The following FRMD5 variants were observed in gnomAD, a reference collection of about 807,000 sequenced individuals.
FRMD5 encodes FERM domain containing 5.
FRMD5 carries 20 observed loss-of-function variants against 69.0 expected under a neutral mutation model. The observed-to-expected ratio is 0.29, with a 90% CI of 0.20 to 0.42. The LOEUF (loss-of-function observed/expected upper bound fraction) is 0.42, where lower values mean the gene tolerates loss of function less well. FRMD5 is among the 10% of genes least tolerant of loss of function. The pLI, the probability that FRMD5 is intolerant of heterozygous loss-of-function variation, is 1.00. For synonymous variants in FRMD5, 271 were observed against 260.1 expected (o/e 1.04, Z -0.40); for missense variants, 595 against 708.6 (o/e 0.84, Z 1.82).
chr15:43,968,188 T>C (rs1454712158), intron 1 of FRMD5, among the ~76,000 whole-genome samples: 1 of 152,192 alleles, frequency 6.6e-6, no homozygotes, highest in African/African-American at 2.4e-5. Context: ...ACTAATCTTA[T>C]CTTTATCTCA....
intron 1 of FRMD5, among the ~76,000 whole-genome samples, chr15:43,946,529 C>T (rs1172819013): frequency 6.6e-6 from 1 of 152,190 alleles, no homozygotes; most frequent in Non-Finnish European, 1.5e-5. Flanking sequence ...CACTACAACA[C>T]ACAGCCTCTG....
intron 1 of FRMD5, among the ~76,000 whole-genome samples, chr15:44,027,094 A>C (rs528133968): frequency 6.0e-4 from 92 of 152,356 alleles, no homozygotes; most frequent in African/African-American, 2.0e-3. Context: ...GGTTGTTCAC[A>C]AACTGTGGAC....
chr15:43,918,377 T>A (rs536645385), intron 4 of FRMD5, among the ~76,000 whole-genome samples: 21 of 152,300 alleles, frequency 1.4e-4, no homozygotes, highest in African/African-American at 5.1e-4. Flanking sequence ...TGAGCTGAGA[T>A]CGCGCCACTG....
intron 4 of FRMD5, among the ~76,000 whole-genome samples, chr15:43,913,086 C>A (rs1363948528): frequency 6.6e-6 from 1 of 151,848 alleles, no homozygotes. Flanking sequence ...CTGATTTGCT[C>A]CCCTTCTCCT....
chr15:44,129,255 A>C (rs942792119), intron 1 of FRMD5, among the ~76,000 whole-genome samples: 1 of 152,254 alleles, frequency 6.6e-6, no homozygotes, highest in Non-Finnish European at 1.5e-5. Context: ...CTAGTAAAAA[A>C]TAATTTTGTC....
At chr15:44,107,598 G>A (rs2076738569) in intron 1 of FRMD5, among the ~76,000 whole-genome samples, 1 of 152,030 alleles carries the variant, frequency 6.6e-6, no homozygotes, top group African/African-American at 2.4e-5. Flanking sequence ...TTAGAGGGGG[G>A]AAAGCAACAG....
At chr15:44,130,650 T>A in intron 1 of FRMD5, among the ~76,000 whole-genome samples, 1 of 152,136 alleles carries the variant, frequency 6.6e-6, no homozygotes, top group East Asian at 1.9e-4. Context: ...TCTTCCAAAC[T>A]TGAATAGTTA....
intron 1 of FRMD5, among the ~76,000 whole-genome samples, chr15:44,067,997 C>T (rs539540243): frequency 6.6e-6 from 1 of 152,258 alleles, no homozygotes; most frequent in South Asian, 2.1e-4. Flanking sequence ...CATCATTTAT[C>T]ATTAAAGAAA....
At chr15:44,006,503 A>G (rs1312682580) in intron 1 of FRMD5, among the ~76,000 whole-genome samples, 1 of 152,234 alleles carries the variant, frequency 6.6e-6, no homozygotes, top group African/African-American at 2.4e-5. Flanking sequence ...ATAAGACTAT[A>G]GCTGCATGAA....
intron 1 of FRMD5, among the ~76,000 whole-genome samples, chr15:43,978,676 C>G (rs1406571153): frequency 2.0e-5 from 3 of 152,100 alleles, no homozygotes. Context: ...CTCAGCCTCC[C>G]AAGTAGCTGG....
At chr15:44,108,688 A>C (rs934910122) in intron 1 of FRMD5, among the ~76,000 whole-genome samples, 2 of 151,916 alleles carry the variant, frequency 1.3e-5, no homozygotes, top group Non-Finnish European at 2.9e-5. Flanking sequence ...ACCTCTGGGC[A>C]CAGTGGCTCA....
Position 43,888,285 on chromosome 15 carries a change from T to C in FRMD5, c.793-19A>G, listed in dbSNP as rs765806777. 1 of 1,548,268 alleles carries C rather than the reference T, an allele frequency of 6.5e-7. No individual in the cohort carries two copies. The highest frequency in any genetic ancestry group is 1.1e-5 in the South Asian group (1 of 89,668). ...TCTTTTCCTGCAAAAAATTCCACAT[T>C]GATATGGCTGAGTGTGGATGGAGAA... On this transcript the variant is annotated intron_variant, in intron 9 of 13. Coordinates refer to ENST00000417257, the MANE Select transcript of FRMD5 (RefSeq NM_032892.5).
chr15:43,874,030 G>A lies in FRMD5; in HGVS notation c.1568C>T (p.Thr523Ile), dbSNP rs755366999. 2 of 1,614,252 alleles carry A rather than the reference G, an allele frequency of 1.2e-6. No individual in the cohort carries two copies. The highest frequency in any genetic ancestry group is 4.5e-5 in the East Asian group (2 of 44,890). ...FVLLLLLIIL[T>I]ESDLDIAFFR... ...AAAGGCAATGTCAAGGTCAGACTCG[G>A]TAAGGATGATCAGGAGGAGGAGCAA... Residue 523 changes from threonine to isoleucine, a missense_variant, in exon 14 of 14, where the codon ACC becomes ATC. Thr to Ile is a moderately conservative substitution (Grantham distance 89). This residue lies in a region of FRMD5 where 245 missense variants were observed against 227.1 expected (regional missense o/e 1.08). Coordinates refer to ENST00000417257, the MANE Select transcript of FRMD5 (RefSeq NM_032892.5).
intron 1 of FRMD5, among the ~76,000 whole-genome samples, chr15:44,177,287 C>T (rs549841190): frequency 6.6e-6 from 1 of 152,090 alleles, no homozygotes; most frequent in African/African-American, 2.4e-5. Context: ...ATGTTCATAG[C>T]ATTATCCATA....
Position 43,984,339 on chromosome 15 carries a change from A to G in FRMD5, c.103-60030T>C, listed in dbSNP as rs116924721. Among the ~76,000 whole-genome samples, 470 of 152,212 alleles carry G rather than the reference A, an allele frequency of 3.1e-3. 11 individuals carry two copies. In the East Asian group the frequency reaches 0.052, roughly 17 times the overall value. ...CGCATCCCCATCTTCTCCTCTATACACTGCCTCCGGAAACAAGCACTGTGT... is the reference window on the plus strand; with the variant it reads ...CGCATCCCCATCTTCTCCTCTATACGCTGCCTCCGGAAACAAGCACTGTGT... On this transcript the variant is annotated intron_variant, in intron 1 of 13. Coordinates refer to ENST00000417257, the MANE Select transcript of FRMD5 (RefSeq NM_032892.5).
intron 1 of FRMD5, among the ~76,000 whole-genome samples, chr15:44,141,493 G>C (rs2077273411): frequency 6.6e-6 from 1 of 152,072 alleles, no homozygotes; most frequent in Non-Finnish European, 1.5e-5. Context: ...AAAGGAGCTA[G>C]GATTAGCTAT....
intron 1 of FRMD5, among the ~76,000 whole-genome samples, chr15:44,143,320 T>C (rs1345028289): frequency 6.6e-6 from 1 of 151,942 alleles, no homozygotes; most frequent in East Asian, 1.9e-4. Flanking sequence ...CCTGGTGAAT[T>C]CACACATGAG....
At chr15:43,985,510 ATTATAAATCAAACT>A (rs1889352979) in intron 1 of FRMD5, among the ~76,000 whole-genome samples, 1 of 152,112 alleles carries the variant, frequency 6.6e-6, no homozygotes, top group African/African-American at 2.4e-5. Context: ...CATGGTTTAT[ATTATAAATCAAACT>A]TGGCTATAAT....
chr15:44,140,514 TA>T (rs1354177644), intron 1 of FRMD5, among the ~76,000 whole-genome samples: 2 of 151,570 alleles, frequency 1.3e-5, no homozygotes, highest in African/African-American at 2.4e-5. Flanking sequence ...AGAAGAAAAA[TA>T]AAAGGCACAA....
Sources: gnomAD v4.1 joint callset for allele counts (sites outside exome capture counted in the v4.1 genomes callset) on GRCh38, gnomAD v4.1.1 for gene constraint, gnomAD v4.1.1 regional missense constraint, MANE v1.5 for transcripts, NCBI Gene and HGNC (gene_info 2026-07-23, HGNC 2026-07-21) for gene names.